The following RIN2 variants were observed in gnomAD, a reference collection of about 807,000 sequenced individuals.
The protein encoded by RIN2 is RAB5 interacting protein 2.
RIN2 carries 36 observed loss-of-function variants against 78.0 expected under a neutral mutation model. The observed-to-expected ratio is 0.46, with a 90% CI of 0.35 to 0.61. The LOEUF (loss-of-function observed/expected upper bound fraction) is 0.61, where lower values mean the gene tolerates loss of function less well. Ranked by LOEUF, RIN2 falls within the 20% of genes least tolerant of loss-of-function variation. RIN2 has a pLI of 0.00. For synonymous variants in RIN2, 466 were observed against 466.8 expected (o/e 1.00, Z 0.02); for missense variants, 1,087 against 1,159.7 (o/e 0.94, Z 0.91).
At chr20:19,811,811 C>G (rs2035612387) in intron 2 of RIN2, among the ~76,000 whole-genome samples, 1 of 151,550 alleles carries the variant, frequency 6.6e-6, no homozygotes, top group African/African-American at 2.4e-5. Flanking sequence ...TAGAAAAAAG[C>G]ACAGTACAAA....
chr20:19,759,949 CTGG>C (rs2033568856), intron 1 of RIN2, among the ~76,000 whole-genome samples: 1 of 152,186 alleles, frequency 6.6e-6, no homozygotes, highest in South Asian at 2.1e-4. Flanking sequence ...GTTCCCTTGC[CTGG>C]TGGTTTGAGA....
At chr20:19,769,843 GAAATCAACCTCTTTTGA>G (rs1338204781) in intron 1 of RIN2, among the ~76,000 whole-genome samples, 2 of 152,144 alleles carry the variant, frequency 1.3e-5, no homozygotes, top group African/African-American at 4.8e-5. Context: ...ATATAAGGTG[GAAATCAACCTCTTTTGA>G]AAGTTTTTTA....
At chr20:19,964,929 G>T in intron 6 of RIN2, 23 bp from the exon 7 acceptor site, 1 of 1,608,374 alleles carries the variant, frequency 6.2e-7, no homozygotes, top group South Asian at 1.1e-5. Context: ...AGAATCAGCT[G>T]GTTTCTGAAA....
chr20:19,900,264 A>G (rs2038920517), intron 3 of RIN2, among the ~76,000 whole-genome samples: 1 of 151,276 alleles, frequency 6.6e-6, no homozygotes, highest in Non-Finnish European at 1.5e-5. Flanking sequence ...CTGGCAGATC[A>G]CTTGAGGTCA....
intron 1 of RIN2, among the ~76,000 whole-genome samples, chr20:19,792,945 G>A (rs928057087): frequency 4.6e-5 from 7 of 151,548 alleles, no homozygotes; most frequent in African/African-American, 1.7e-4. Context: ...GCCACTGTGT[G>A]TGTGTGTGTG....
intron 2 of RIN2, among the ~76,000 whole-genome samples, chr20:19,852,668 CT>C (rs2037021010): frequency 6.6e-6 from 1 of 152,152 alleles, no homozygotes; most frequent in Non-Finnish European, 1.5e-5. Context: ...TTTGTATGCT[CT>C]TTTCTAGCCT....
intron 9 of RIN2, among the ~76,000 whole-genome samples, chr20:19,988,149 C>T (rs2042679110): frequency 6.6e-6 from 1 of 152,206 alleles, no homozygotes; most frequent in Non-Finnish European, 1.5e-5. Context: ...GACAGAGTCT[C>T]ATTCTGTCAC....
In RIN2 at chr20:19,975,793, T is replaced by G. The variant is rs2042261872; in HGVS notation, c.1762+6T>G. 4 of 1,597,376 alleles carry G rather than the reference T, an allele frequency of 2.5e-6. No individual in the cohort carries two copies. The highest frequency in any genetic ancestry group is 1.7e-6 in the Non-Finnish European group (2 of 1,171,786). ...GATCCCTGAAGACCAAATAGGTAAG[T>G]ACCCTCTTTTTTAAAATATAAAATC... is the stretch of plus-strand genomic sequence containing the variant. On this transcript the variant is annotated splice_donor_region_variant and intron_variant, in intron 9 of 12. Coordinates refer to ENST00000255006, the MANE Select transcript of RIN2 (RefSeq NM_018993.4). The surrounding 1 kb of genome is among the most constrained non-coding windows in gnomAD (Gnocchi z 4.9).
chr20:19,790,905 G>C (rs2034868946), intron 1 of RIN2, among the ~76,000 whole-genome samples: 2 of 152,260 alleles, frequency 1.3e-5, no homozygotes, highest in East Asian at 3.9e-4. Flanking sequence ...CCATGACCTG[G>C]CCTGCCTTTC....
intron 1 of RIN2, among the ~76,000 whole-genome samples, chr20:19,763,063 G>A (rs1472684084): frequency 6.6e-6 from 1 of 152,122 alleles, no homozygotes; most frequent in Non-Finnish European, 1.5e-5. Context: ...CCATGCACAG[G>A]CCTAAATGTG....
intron 2 of RIN2, among the ~76,000 whole-genome samples, chr20:19,810,789 G>A (rs1206565335): frequency 6.8e-6 from 1 of 146,766 alleles, no homozygotes; most frequent in Non-Finnish European, 1.5e-5. Context: ...TGCCTCCCGG[G>A]TTCACGCCAT....
chr20:19,846,662 A>T (rs1374889294), intron 2 of RIN2, among the ~76,000 whole-genome samples: 1 of 152,234 alleles, frequency 6.6e-6, no homozygotes, highest in Non-Finnish European at 1.5e-5. Flanking sequence ...TGTCATCTGC[A>T]AACACAGACT....
intron 4 of RIN2, among the ~76,000 whole-genome samples, chr20:19,943,675 T>C (rs1034231757): frequency 6.6e-6 from 1 of 152,160 alleles, no homozygotes; most frequent in Non-Finnish European, 1.5e-5. Context: ...TTTATCAATT[T>C]CTAGCATTTT....
chr20:19,910,496 CT>C (rs2039415300), intron 3 of RIN2, among the ~76,000 whole-genome samples: 1 of 148,014 alleles, frequency 6.8e-6, no homozygotes, highest in African/African-American at 2.5e-5. Flanking sequence ...TTTTCTTTTT[CT>C]TTTCTTCTTC....
At chr20:19,869,833 T>TTTATTTAC (rs2037633714) in intron 2 of RIN2, among the ~76,000 whole-genome samples, 1 of 151,390 alleles carries the variant, frequency 6.6e-6, no homozygotes, top group Non-Finnish European at 1.5e-5. Flanking sequence ...TATTTATTTA[T>TTTATTTAC]TGTAGAGAAG....
chr20:19,867,193 A>AAATGCT, intron 2 of RIN2, among the ~76,000 whole-genome samples: 1 of 152,278 alleles, frequency 6.6e-6, no homozygotes, highest in East Asian at 1.9e-4. Context: ...ACACGTGCAC[A>AAATGCT]CATGCTCATG....
rs1236431819 is a variant in RIN2, at chr20:20,000,872, G to C, written c.2624G>C (p.Arg875Pro). The change falls in exon 13 of 13, where the codon CGC becomes CCC. Residue 875 changes from arginine to proline, a missense_variant. Coordinates refer to ENST00000255006, the MANE Select transcript of RIN2 (RefSeq NM_018993.4). ...QPHIFHFVYK[R>P]IKNDPYGIIF... is the part of the protein sequence containing the mutation. ...CACATCTTCCACTTTGTCTACAAAC[G>C]CATCAAGAACGATCCTTATGGCATC... The C allele has an allele frequency of 6.2e-7, 1 of 1,613,930 alleles. No homozygotes were observed. The highest frequency in any genetic ancestry group is 8.5e-7 in the Non-Finnish European group (1 of 1,179,874).
At chr20:19,828,677 A>T (rs898155950) in intron 2 of RIN2, among the ~76,000 whole-genome samples, 1 of 152,196 alleles carries the variant, frequency 6.6e-6, no homozygotes, top group African/African-American at 2.4e-5. Context: ...GTACTCTCCA[A>T]AAGAAAAGAA....
chr20:19,933,940 C>T (rs2040532153), intron 3 of RIN2, among the ~76,000 whole-genome samples: 1 of 152,134 alleles, frequency 6.6e-6, no homozygotes, highest in South Asian at 2.1e-4. Context: ...TCTGGAGTAG[C>T]TGGGACTACA....
Sources: allele counts gnomAD v4.1 joint callset (sites outside exome capture counted in the v4.1 genomes callset), GRCh38; gene constraint gnomAD v4.1.1; non-coding constraint Gnocchi (gnomAD v3.1); transcripts MANE v1.5; gene names NCBI Gene and HGNC (gene_info 2026-07-23, HGNC 2026-07-21).